The following SQOR variants were observed in gnomAD, a reference collection of about 807,000 sequenced individuals.
SQOR encodes sulfide quinone oxidoreductase, also known as sulfide:quinone oxidoreductase, mitochondrial.
Under a neutral mutation model 48.6 loss-of-function variants are expected in SQOR, and 39 were observed. That is an observed-to-expected ratio of 0.80 (90% CI 0.62 to 1.05). SQOR has a LOEUF of 1.05. SQOR is among the 50% of genes least tolerant of loss of function. SQOR has a pLI of 0.00. For missense variants in SQOR, 561 were observed against 559.9 expected (o/e 1.00, Z -0.02); for synonymous variants, 220 against 206.2 (o/e 1.07, Z -0.57).
chr15:45,675,631 G>C (rs544549126), intron 5 of SQOR, among the ~76,000 whole-genome samples: 1 of 151,916 alleles, frequency 6.6e-6, no homozygotes, highest in Non-Finnish European at 1.5e-5. Context: ...AACTCCTGAC[G>C]TCAGGTGATC....
chr15:45,688,405 G>T lies in SQOR; in HGVS notation c.1116+1G>T. 1 of 1,593,698 alleles carries T rather than the reference G, an allele frequency of 6.3e-7. No individual in the cohort carries two copies. The highest frequency in any genetic ancestry group is 8.6e-7 in the Non-Finnish European group (1 of 1,167,408). On this transcript the variant is annotated splice_donor_variant, in intron 8 of 9. Coordinates refer to ENST00000260324, the MANE Select transcript of SQOR (RefSeq NM_021199.4). LOFTEE classifies it high-confidence loss of function. ...GAAGAATCAAACACCAACAAAGAAG[G>T]TTTGTATGCCTTGTAAGAATCACTG...
In SQOR at chr15:45,664,138, A is replaced by G. The variant is rs138355326; in HGVS notation, c.405+2013A>G. ...AAATAGGTTGGTATTTACATAGTCCATGGCCAAGGAGTTCTCTGATAAGTT... is the reference window on the plus strand; with the variant it reads ...AAATAGGTTGGTATTTACATAGTCCGTGGCCAAGGAGTTCTCTGATAAGTT... On this transcript the variant is annotated intron_variant, in intron 3 of 9. Transcript: ENST00000260324. 1.1e-3 allele frequency among the ~76,000 whole-genome samples: 173 copies of G among 152,336 alleles called. 1 individual carries two copies. The East Asian group carries it at 0.03, about 26-fold the overall frequency.
In SQOR at chr15:45,662,130, C is replaced by T; in HGVS notation, c.405+5C>T. On this transcript the variant is annotated splice_donor_5th_base_variant and intron_variant, in intron 3 of 9. Coordinates refer to ENST00000260324, the MANE Select transcript of SQOR (RefSeq NM_021199.4). The stretch of plus-strand genomic sequence containing the variant: ...CACACAGATGACGACGAGAAGGTAA[C>T]CACTGAGGCCTTTAGATTTTTTGTT... The T allele has an allele frequency of 1.9e-6, 3 of 1,611,486 alleles. No individual in the cohort carries two copies. Among genetic ancestry groups the T allele is most frequent in the Non-Finnish European group, 2.5e-6 (3 of 1,178,312 alleles).
chr15:45,676,405 G>A, intron 6 of SQOR, 95 bp downstream of exon 6: 1 of 1,251,052 alleles, frequency 8.0e-7, no homozygotes. Context: ...TGCCATCATT[G>A]TGTGCTGGGG....
Position 45,659,079 on chromosome 15 carries a change from C to A in SQOR, c.156C>A (p.Gly52=). 6.3e-7 allele frequency: 1 copy of A among 1,593,364 alleles called. No individual in the cohort carries two copies. Among genetic ancestry groups the A allele is most frequent in the South Asian group, 1.1e-5 (1 of 87,902 alleles). ...ATGAGGTGCTGGTGCTGGGTGGGGG[C>A]AGTGGCGGAATCACCATGGCTGCCC... ...NHYEVLVLGG[G]SGGITMAARM... Residue 52 remains glycine (G), a synonymous_variant, in exon 2 of 10, where the codon GGC becomes GGA. Coordinates refer to ENST00000260324, the MANE Select transcript of SQOR (RefSeq NM_021199.4).
chr15:45,669,795 T>C, intron 3 of SQOR, 133 bp from the exon 4 acceptor site: 1 of 736,116 alleles, frequency 1.4e-6, no homozygotes, highest in South Asian at 1.7e-5. Context: ...TTCGATTTTC[T>C]CATCTGTTCT....
At chr15:45,669,184 T>TTC (rs1221249048) in intron 3 of SQOR, among the ~76,000 whole-genome samples, 1 of 151,198 alleles carries the variant, frequency 6.6e-6, no homozygotes, top group African/African-American at 2.4e-5. Context: ...TTTAATTTTT[T>TTC]TTTGAGACAG....
intron 7 of SQOR, among the ~76,000 whole-genome samples, chr15:45,684,856 C>T (rs1890193640): frequency 6.6e-6 from 1 of 152,176 alleles, no homozygotes; most frequent in African/African-American, 2.4e-5. Context: ...AAGTCTTGTT[C>T]CCAGTCCTGC....
At chr15:45,658,169 A>G (rs675599) in intron 1 of SQOR, among the ~76,000 whole-genome samples, 102,372 of 152,112 alleles carry the variant, frequency 0.67, 34,541 homozygotes, top group Admixed American at 0.76. Context: ...AGCAGCATAT[A>G]CAGATTCCTT....
At chr15:45,661,068 G>A (rs1221955828) in intron 2 of SQOR, among the ~76,000 whole-genome samples, 1 of 152,038 alleles carries the variant, frequency 6.6e-6, no homozygotes, top group African/African-American at 2.4e-5. Flanking sequence ...GATCACCTGA[G>A]GTCAGGAGTT....
chr15:45,648,280 C>G (rs938494356), intron 1 of SQOR, among the ~76,000 whole-genome samples: 1 of 151,900 alleles, frequency 6.6e-6, no homozygotes, highest in Non-Finnish European at 1.5e-5. Flanking sequence ...TGGGTTCAAG[C>G]GATTCTCATG....
At chr15:45,674,689 T>G (rs149562233) in intron 5 of SQOR, among the ~76,000 whole-genome samples, 2 of 152,302 alleles carry the variant, frequency 1.3e-5, no homozygotes, top group East Asian at 3.9e-4. Context: ...AAAGAGATAT[T>G]TGGGCAGGAG....
Position 45,688,404 on chromosome 15 carries a change from G to C in SQOR, c.1116G>C (p.Lys372Asn), listed in dbSNP as rs1420620553. The stretch of plus-strand genomic sequence containing the variant: ...TGAAGAATCAAACACCAACAAAGAA[G>C]GTTTGTATGCCTTGTAAGAATCACT... ...VIMKNQTPTKKYDGYTSCPLV... is the reference protein window; with the variant it reads ...VIMKNQTPTKNYDGYTSCPLV... Residue 372 changes from lysine to asparagine, a missense_variant and splice_region_variant, in exon 8 of 10, where the codon AAG (lysine) becomes AAC (asparagine). By Grantham distance (94) the Lys-to-Asn change is moderately conservative. Coordinates refer to ENST00000260324, the MANE Select transcript of SQOR (RefSeq NM_021199.4). 1.3e-6 allele frequency: 2 copies of C among 1,596,448 alleles called. No individual in the cohort carries two copies. Among genetic ancestry groups the C allele is most frequent in the African/African-American group, 2.7e-5 (2 of 74,276 alleles).
chr15:45,657,535 A>G (rs913227609), intron 1 of SQOR, among the ~76,000 whole-genome samples: 5 of 152,066 alleles, frequency 3.3e-5, no homozygotes, highest in African/African-American at 4.8e-5. Context: ...TCCCCTTCCT[A>G]CAGCTCTAGG....
chr15:45,683,892 T>A (rs893140679), intron 7 of SQOR, among the ~76,000 whole-genome samples: 142 of 149,610 alleles, frequency 9.5e-4, no homozygotes, highest in Non-Finnish European at 1.6e-3. Flanking sequence ...ATATATATAT[T>A]TTTGTTTGTT....
chr15:45,673,060 G>A (rs2140955762), intron 4 of SQOR, among the ~76,000 whole-genome samples: 1 of 152,298 alleles, frequency 6.6e-6, no homozygotes, highest in South Asian at 2.1e-4. Context: ...AGACCTACTG[G>A]CTTAGAAGTA....
At chr15:45,671,862 A>C (rs1019172930) in intron 4 of SQOR, among the ~76,000 whole-genome samples, 1 of 152,162 alleles carries the variant, frequency 6.6e-6, no homozygotes, top group Non-Finnish European at 1.5e-5. Flanking sequence ...CCCAGTGCAC[A>C]GCCTGTTGCT....
chr15:45,677,249 A>G (rs940687613), intron 6 of SQOR, among the ~76,000 whole-genome samples: 3 of 151,414 alleles, frequency 2.0e-5, no homozygotes, highest in African/African-American at 2.4e-5. Context: ...TTGTCTATCT[A>G]TCTATCCATC....
chr15:45,654,111 G>T (rs1282907089), intron 1 of SQOR, among the ~76,000 whole-genome samples: 1 of 99,768 alleles, frequency 1.0e-5, no homozygotes, highest in Non-Finnish European at 2.0e-5. Flanking sequence ...GACAGAGTGA[G>T]ACTCAAAAAA....
Sources: allele counts gnomAD v4.1 joint callset (sites outside exome capture counted in the v4.1 genomes callset), GRCh38; gene constraint gnomAD v4.1.1; transcripts MANE v1.5; gene names NCBI Gene and HGNC (gene_info 2026-07-23, HGNC 2026-07-21).